Variants in PDSS2 observed in about 807,000 individuals in gnomAD.
The protein encoded by PDSS2 is decaprenyl diphosphate synthase subunit 2.
Under a neutral mutation model 44.5 loss-of-function variants are expected in PDSS2, and 31 were observed. The ratio of observed to expected loss-of-function variants is 0.70; its 90% CI spans 0.52 to 0.94. The LOEUF (loss-of-function observed/expected upper bound fraction) is 0.94, where lower values mean the gene tolerates loss of function less well. PDSS2 is among the 40% of genes least tolerant of loss of function. The pLI is 0.00. For missense variants in PDSS2, 452 were observed against 482.2 expected (o/e 0.94, Z 0.59); for synonymous variants, 157 against 180.3 (o/e 0.87, Z 1.03).
intron 2 of PDSS2, among the ~76,000 whole-genome samples, chr6:107,325,868 A>AT (rs1260816821): frequency 6.6e-6 from 1 of 152,012 alleles, no homozygotes; most frequent in East Asian, 1.9e-4. Context: ...CTTCATGGGA[A>AT]TTTTTTCCAC....
rs1297916733 is a variant in PDSS2 at position 107,240,523 on chromosome 6, C to T, written c.702+5025G>A. ...AAGCGATCCTCCTGCCTCGGCCTCC[C>T]GAGTAGCTGGGATTACAGGCGCGCA... On this transcript the variant is annotated intron_variant, in intron 4 of 7. Coordinates refer to ENST00000369037, the MANE Select transcript of PDSS2 (RefSeq NM_020381.4). 5.3e-5 allele frequency among the ~76,000 whole-genome samples: 8 copies of T among 151,776 alleles called. No homozygotes were observed. The East Asian group carries it at 7.8e-4, about 15-fold the overall frequency.
intron 1 of PDSS2, among the ~76,000 whole-genome samples, chr6:107,401,294 G>T (rs1780098539): frequency 6.6e-6 from 1 of 152,138 alleles, no homozygotes; most frequent in Admixed American, 6.5e-5. Context: ...ATTTGAGAAA[G>T]CTGCTGCATT....
intron 3 of PDSS2, chr6:107,264,530 TAAC>T (rs1198554108): frequency 3.6e-6 from 5 of 1,383,506 alleles, no homozygotes; most frequent in East Asian, 2.5e-5. Flanking sequence ...GAAAAAAAAA[TAAC>T]GTGATAAATT....
chr6:107,206,219 G>A (rs1446745380), intron 6 of PDSS2, among the ~76,000 whole-genome samples: 3 of 151,992 alleles, frequency 2.0e-5, no homozygotes, highest in African/African-American at 7.3e-5. Context: ...TTACAGGCAT[G>A]CGCCACCACG....
At chr6:107,310,870 G>C (rs1777021542) in intron 2 of PDSS2, among the ~76,000 whole-genome samples, 1 of 151,516 alleles carries the variant, frequency 6.6e-6, no homozygotes. Flanking sequence ...ATTAAACTCA[G>C]TCCATTATAA....
chr6:107,404,367 C>T (rs187602047), intron 1 of PDSS2, among the ~76,000 whole-genome samples: 42 of 152,306 alleles, frequency 2.8e-4, no homozygotes, highest in African/African-American at 9.9e-4. Flanking sequence ...GCCTGTTACC[C>T]AGTTCTAAAG....
intron 2 of PDSS2, among the ~76,000 whole-genome samples, chr6:107,286,264 T>C (rs1469863651): frequency 6.6e-6 from 1 of 152,044 alleles, no homozygotes; most frequent in Non-Finnish European, 1.5e-5. Flanking sequence ...TCCCAGCACT[T>C]TGGGAGGCTG....
intron 7 of PDSS2, among the ~76,000 whole-genome samples, chr6:107,177,119 CGTAAT>C (rs1203406943): frequency 6.9e-6 from 1 of 145,260 alleles, no homozygotes; most frequent in Non-Finnish European, 1.5e-5. Flanking sequence ...TGCTGAAACA[CGTAAT>C]GTAATTCTTT....
intron 1 of PDSS2, among the ~76,000 whole-genome samples, chr6:107,447,463 G>A (rs1446542283): frequency 6.6e-6 from 1 of 152,120 alleles, no homozygotes; most frequent in Non-Finnish European, 1.5e-5. Context: ...GGGGATACAG[G>A]CCCCACATCA....
At chr6:107,431,025 C>G (rs1032576361) in intron 1 of PDSS2, among the ~76,000 whole-genome samples, 1 of 152,180 alleles carries the variant, frequency 6.6e-6, no homozygotes, top group African/African-American at 2.4e-5. Context: ...AAGAAAATCA[C>G]GTTGGGTTCT....
chr6:107,228,918 T>C (rs1283111620), intron 4 of PDSS2, among the ~76,000 whole-genome samples: 1 of 152,140 alleles, frequency 6.6e-6, no homozygotes, highest in Non-Finnish European at 1.5e-5. Context: ...GACAGAAGCT[T>C]GAACAAATGC....
chr6:107,323,983 A>G (rs1777462057), intron 2 of PDSS2, among the ~76,000 whole-genome samples: 1 of 152,188 alleles, frequency 6.6e-6, no homozygotes, highest in Non-Finnish European at 1.5e-5. Context: ...GTGGTTAATT[A>G]TACTGTTTTG....
intron 7 of PDSS2, among the ~76,000 whole-genome samples, chr6:107,181,540 AAAAG>A (rs1474917155): frequency 6.9e-6 from 1 of 144,130 alleles, no homozygotes; most frequent in Non-Finnish European, 1.5e-5. Context: ...TCTCAAAAAA[AAAAG>A]AAAAGAAAAG....
At chr6:107,199,822 A>G (rs1772708583) in intron 6 of PDSS2, among the ~76,000 whole-genome samples, 1 of 152,174 alleles carries the variant, frequency 6.6e-6, no homozygotes, top group Non-Finnish European at 1.5e-5. Flanking sequence ...GGAAAGCTGG[A>G]TGTTTTTGTT....
At chr6:107,402,631 T>C (rs1172637762) in intron 1 of PDSS2, among the ~76,000 whole-genome samples, 5 of 149,184 alleles carry the variant, frequency 3.4e-5, no homozygotes, top group South Asian at 2.1e-4. Context: ...CTCACAATCA[T>C]GGCAGAAAGC....
chr6:107,410,542 G>A (rs923083544), intron 1 of PDSS2, among the ~76,000 whole-genome samples: 3 of 152,156 alleles, frequency 2.0e-5, no homozygotes, highest in Non-Finnish European at 4.4e-5. Flanking sequence ...AGGCTGGAGT[G>A]CAGTGGCACA....
chr6:107,284,645 G>C (rs867981674), intron 2 of PDSS2, among the ~76,000 whole-genome samples: 11 of 139,494 alleles, frequency 7.9e-5, no homozygotes, highest in African/African-American at 2.7e-4. Context: ...TGGAGGACAA[G>C]AGAAAGACTT....
chr6:107,339,282 T>C (rs1347128922), intron 1 of PDSS2, among the ~76,000 whole-genome samples: 1 of 152,200 alleles, frequency 6.6e-6, no homozygotes, highest in Non-Finnish European at 1.5e-5. Flanking sequence ...CCACAATATA[T>C]ACAAAAATTG....
In PDSS2 at chr6:107,293,309, T is replaced by C. The variant is rs187318063; in HGVS notation, c.432-19082A>G. On this transcript the variant is annotated intron_variant, in intron 2 of 7. Coordinates refer to ENST00000369037, the MANE Select transcript of PDSS2 (RefSeq NM_020381.4). ...CCCATCTACCGAAGCAAAACGACTG[T>C]CCTATTTCTTTCTTTAATAAGCTTT... is the stretch of plus-strand genomic sequence containing the variant. Among the ~76,000 whole-genome samples the C allele has an allele frequency of 5.3e-5, 8 of 152,214 alleles. No individual in the cohort carries two copies. The East Asian group carries it at 1.2e-3, about 22-fold the overall frequency.
Sources: gnomAD v4.1 joint callset for allele counts (sites outside exome capture counted in the v4.1 genomes callset) on GRCh38, gnomAD v4.1.1 for gene constraint, MANE v1.5 for transcripts, NCBI Gene and HGNC (gene_info 2026-07-23, HGNC 2026-07-21) for gene names.